The following CHSY3 variants were observed in gnomAD, a reference collection of about 807,000 sequenced individuals.
CHSY3 encodes the protein chondroitin sulfate synthase 3.
CHSY3 carries 35 observed loss-of-function variants against 67.2 expected under a neutral mutation model. The observed-to-expected ratio is 0.52, with a 90% CI of 0.40 to 0.69. The LOEUF is 0.69. Ranked by LOEUF, CHSY3 falls within the 30% of genes least tolerant of loss-of-function variation. CHSY3 has a pLI of 0.00. For missense variants in CHSY3, 1,069 were observed against 1,138.5 expected (o/e 0.94, Z 0.88); for synonymous variants, 474 against 434.7 (o/e 1.09, Z -1.12).
chr5:130,168,876 G>T (rs562055880), intron 2 of CHSY3, among the ~76,000 whole-genome samples: 2 of 151,992 alleles, frequency 1.3e-5, no homozygotes, highest in East Asian at 3.9e-4. Context: ...GCTTGTCTCC[G>T]TCACTAAATA....
At chr5:130,082,837 ATGT>A (rs1420751902) in intron 2 of CHSY3, among the ~76,000 whole-genome samples, 2 of 151,764 alleles carry the variant, frequency 1.3e-5, no homozygotes, top group Admixed American at 1.3e-4. Context: ...TCCTCCTGAA[ATGT>A]TGGAGCACTA....
At chr5:129,930,826 T>A (rs930378607) in intron 2 of CHSY3, among the ~76,000 whole-genome samples, 17 of 152,184 alleles carry the variant, frequency 1.1e-4, no homozygotes, top group African/African-American at 3.9e-4. Flanking sequence ...CTCCTACTGC[T>A]GGGGATTGAG....
rs1761833087 is a variant in CHSY3, at chr5:129,945,714, TC to T, written c.1086+37358del. Among the ~76,000 whole-genome samples, 9 of 152,252 alleles carry T rather than the reference TC, an allele frequency of 5.9e-5. No individual in the cohort carries two copies. In the South Asian group the frequency reaches 1.9e-3, roughly 32 times the overall value. Reference sequence around the variant, plus strand: ...TGAGGATTTCTCACTTATTTTTTATTCCCCACAGTATTTAGGATAATACCTT... The same window carrying T: ...TGAGGATTTCTCACTTATTTTTTATTCCCACAGTATTTAGGATAATACCTT... On this transcript the variant is annotated intron_variant, in intron 2 of 2. Coordinates refer to ENST00000305031, the MANE Select transcript of CHSY3 (RefSeq NM_175856.5).
At chr5:129,959,294 A>G (rs1170856142) in intron 2 of CHSY3, among the ~76,000 whole-genome samples, 2 of 152,056 alleles carry the variant, frequency 1.3e-5, no homozygotes, top group Non-Finnish European at 2.9e-5. Context: ...TCCAGTAGTA[A>G]TTTATTACTT....
intron 2 of CHSY3, among the ~76,000 whole-genome samples, chr5:130,162,449 A>G (rs1056512760): frequency 6.6e-6 from 1 of 152,190 alleles, no homozygotes; most frequent in Non-Finnish European, 1.5e-5. Context: ...TCTCAGTACA[A>G]TGACCTTCCT....
chr5:130,004,578 C>A (rs1166438136), intron 2 of CHSY3, among the ~76,000 whole-genome samples: 1 of 152,018 alleles, frequency 6.6e-6, no homozygotes, highest in East Asian at 1.9e-4. Flanking sequence ...AAAGGTGATG[C>A]AAAAATGTAA....
At chr5:129,926,952 G>A (rs1294772848) in intron 2 of CHSY3, among the ~76,000 whole-genome samples, 1 of 151,766 alleles carries the variant, frequency 6.6e-6, no homozygotes, top group African/African-American at 2.4e-5. Context: ...TATTTAAAGA[G>A]CATTTAACAG....
At chr5:129,937,410 T>G (rs1210851386) in intron 2 of CHSY3, among the ~76,000 whole-genome samples, 1 of 152,116 alleles carries the variant, frequency 6.6e-6, no homozygotes, top group Non-Finnish European at 1.5e-5. Flanking sequence ...AAGCCCCTCC[T>G]CCAACACTGG....
intron 2 of CHSY3, among the ~76,000 whole-genome samples, chr5:130,024,137 C>CCAA (rs1554077545): frequency 1.2e-3 from 129 of 109,998 alleles, no homozygotes; most frequent in African/African-American, 3.5e-3. Flanking sequence ...GATTGATGGT[C>CCAA]AAAAAAAAAA....
chr5:130,099,793 A>G (rs1434021071), intron 2 of CHSY3, among the ~76,000 whole-genome samples: 1 of 152,168 alleles, frequency 6.6e-6, no homozygotes, highest in Non-Finnish European at 1.5e-5. Flanking sequence ...TCATGAAGTA[A>G]GCTATGGCAC....
intron 2 of CHSY3, among the ~76,000 whole-genome samples, chr5:129,912,298 G>T (rs1760590292): frequency 6.6e-6 from 1 of 152,076 alleles, no homozygotes; most frequent in South Asian, 2.1e-4. Context: ...TAAATTAATT[G>T]CCAGAACAAT....
chr5:129,951,977 G>T (rs1762036175), intron 2 of CHSY3, among the ~76,000 whole-genome samples: 1 of 152,186 alleles, frequency 6.6e-6, no homozygotes, highest in African/African-American at 2.4e-5. Context: ...AATCAGCCTG[G>T]ATAGGAAGAG....
At chr5:129,907,486 T>C (rs949778108) in intron 1 of CHSY3, among the ~76,000 whole-genome samples, 3 of 152,336 alleles carry the variant, frequency 2.0e-5, no homozygotes, top group Non-Finnish European at 2.9e-5. Context: ...ACGTTTTTTC[T>C]GAACTTAACA....
intron 2 of CHSY3, among the ~76,000 whole-genome samples, chr5:130,118,185 A>G (rs1767880775): frequency 1.3e-5 from 2 of 152,176 alleles, no homozygotes; most frequent in Non-Finnish European, 2.9e-5. Flanking sequence ...TGAGCCAATT[A>G]AACAGTTTTT....
intron 2 of CHSY3, among the ~76,000 whole-genome samples, chr5:130,159,237 C>T (rs1769458798): frequency 2.2e-5 from 3 of 137,758 alleles, no homozygotes; most frequent in South Asian, 4.8e-4. Flanking sequence ...AATCATGGCT[C>T]ACTGTAGCCT....
chr5:130,148,885 G>A (rs559285147), intron 2 of CHSY3, among the ~76,000 whole-genome samples: 2 of 152,248 alleles, frequency 1.3e-5, no homozygotes, highest in South Asian at 2.1e-4. Context: ...GCTGTGCAGA[G>A]TTCTTTAGTT....
chr5:130,051,164 G>A (rs1765340693), intron 2 of CHSY3, among the ~76,000 whole-genome samples: 1 of 152,094 alleles, frequency 6.6e-6, no homozygotes, highest in South Asian at 2.1e-4. Context: ...GAAGGGAGTG[G>A]ATGGAGATGA....
At chr5:130,135,044 T>C (rs1768613750) in intron 2 of CHSY3, among the ~76,000 whole-genome samples, 1 of 152,058 alleles carries the variant, frequency 6.6e-6, no homozygotes, top group Non-Finnish European at 1.5e-5. Flanking sequence ...TGTGTACCTA[T>C]AGTGTCGATA....
intron 2 of CHSY3, among the ~76,000 whole-genome samples, chr5:129,927,560 T>C (rs561909201): frequency 1.3e-5 from 2 of 152,024 alleles, no homozygotes; most frequent in Non-Finnish European, 2.9e-5. Flanking sequence ...ATTGAGTTCA[T>C]CAAATTTGGC....
Sources: gnomAD v4.1 joint callset for allele counts (sites outside exome capture counted in the v4.1 genomes callset) on GRCh38, gnomAD v4.1.1 for gene constraint, MANE v1.5 for transcripts, NCBI Gene and HGNC (gene_info 2026-07-23, HGNC 2026-07-21) for gene names.